Variants in MED16 observed in about 807,000 individuals in gnomAD.
MED16 encodes the protein mediator complex subunit 16.
MED16 carries 81 observed loss-of-function variants against 84.4 expected under a neutral mutation model. That is an observed-to-expected ratio of 0.96 (90% CI 0.80 to 1.15). The LOEUF (loss-of-function observed/expected upper bound fraction) is 1.15, where lower values mean the gene tolerates loss of function less well. Among genes scored for constraint, MED16 ranks in the 50% most tolerant of loss-of-function variants. The pLI is 0.00. For synonymous variants in MED16, 897 were observed against 552.2 expected (o/e 1.62, Z -8.76); for missense variants, 1,585 against 1,245.9 (o/e 1.27, Z -4.10).
At chr19:884,812 C>T in intron 6 of MED16, 91 bp downstream of exon 6, 1 of 1,027,442 alleles carries the variant, frequency 9.7e-7, no homozygotes, top group Admixed American at 2.0e-5. Context: ...TCAGGACCAC[C>T]CTGGGTGACA....
rs752325815 is a variant in MED16 at position 889,629 on chromosome 19, G to T, written c.447+9C>A. 20 of 1,604,890 alleles carry T rather than the reference G, an allele frequency of 1.2e-5. No homozygotes were observed. The highest frequency in any genetic ancestry group is 1.7e-5 in the Non-Finnish European group (20 of 1,172,886). ...CTGCCTCATCCGCTCACTCGGGCAG[G>T]ACACTCACCTTCTCCACGTGCAGGG... On this transcript the variant is annotated intron_variant, in intron 4 of 15. Transcript: ENST00000325464.
rs202122968 is a variant in MED16 at position 872,079 on chromosome 19, C to A, written c.1945G>T (p.Gly649Cys). ...TCCCGAAGCATGCCCAGCGAGGTGCCGTCCCGCAGAAAGCTGTGGCCCGGC... is the reference window on the plus strand; with the variant it reads ...TCCCGAAGCATGCCCAGCGAGGTGCAGTCCCGCAGAAAGCTGTGGCCCGGC... ...LRPGHSFLRD[G>C]TSLGMLRELM... is the part of the protein sequence containing the mutation. Residue 649 changes from glycine to cysteine, a missense_variant, in exon 12 of 16, where the codon GGC (glycine) becomes TGC (cysteine). Gly to Cys is a radical substitution (Grantham distance 159). Coordinates refer to ENST00000325464, the MANE Select transcript of MED16 (RefSeq NM_005481.3). 26 of 1,608,860 alleles carry A rather than the reference C, an allele frequency of 1.6e-5. No homozygotes were observed. Among genetic ancestry groups the A allele is most frequent in the South Asian group, 1.1e-5 (1 of 90,812 alleles).
intron 9 of MED16, among the ~76,000 whole-genome samples, chr19:876,137 T>C (rs1019075721): frequency 6.7e-6 from 1 of 150,280 alleles, no homozygotes; most frequent in Admixed American, 6.7e-5. Flanking sequence ...GTGAATGGGA[T>C]TTTTTTTTTC....
intron 8 of MED16, among the ~76,000 whole-genome samples, chr19:879,067 C>G (rs1160583131): frequency 6.0e-4 from 1 of 1,662 alleles, no homozygotes; most frequent in Non-Finnish European, 1.4e-3. Flanking sequence ...GCCCACCAGC[C>G]CCAGCCCCAG....
chr19:890,573 T>C lies in MED16; in HGVS notation c.170-329A>G. 4 of 373,354 alleles carry C rather than the reference T, an allele frequency of 1.1e-5. No individual in the cohort carries two copies. The South Asian group carries it at 2.3e-4, about 21-fold the overall frequency. The allele number at this position is 373,354 out of a possible 1,614,324, so 23.1% of individuals were successfully genotyped here. A position where few individuals can be genotyped will look rare whatever the true frequency, so the allele number is the denominator to read the frequency against. On this transcript the variant is annotated intron_variant, in intron 2 of 15. Coordinates refer to ENST00000325464, the MANE Select transcript of MED16 (RefSeq NM_005481.3). ...TTTTCTGTGGTTTTCTAGTTTTCTC[T>C]AATGACCACGTATTATGAGTGCCTA...
Position 890,236 on chromosome 19 carries a change from G to T in MED16, c.178C>A (p.Arg60Ser), listed in dbSNP as rs150017885. The change falls in exon 3 of 16, where the codon CGC becomes AGC. Residue 60 changes from arginine to serine, a missense_variant. Physicochemically the swap from Arg to Ser is moderately radical, Grantham distance 110 (BLOSUM62 -1). Transcript: ENST00000325464. ...DLRSDDQDLT[R>S]MIHILDTEHP... ...TCCGTGTCCAGGATGTGGATCATGC[G>T]GGTCAGGTCTGTGGGGACGGGGCAT... is the stretch of plus-strand genomic sequence containing the variant. 1 of 1,549,152 alleles carries T rather than the reference G, an allele frequency of 6.5e-7. No individual in the cohort carries two copies. The highest frequency in any genetic ancestry group is 8.7e-7 in the Non-Finnish European group (1 of 1,146,224).
intron 5 of MED16, among the ~76,000 whole-genome samples, chr19:885,406 A>G (rs996116071): frequency 2.0e-5 from 3 of 151,874 alleles, no homozygotes; most frequent in Non-Finnish European, 4.4e-5. Context: ...CAGAGAAGGG[A>G]CCTGCGGGTG....
chr19:878,801 C>T (rs2036335090), intron 8 of MED16, among the ~76,000 whole-genome samples: 1 of 148,756 alleles, frequency 6.7e-6, no homozygotes, highest in Non-Finnish European at 1.5e-5. Context: ...CAGCCCCAGC[C>T]CCACGTGCCC....
In MED16 at chr19:885,935, G is replaced by A. The variant is rs776143249; in HGVS notation, c.714C>T (p.Pro238=). The change falls in exon 5 of 16, where the codon CCC becomes CCT. Residue 238 remains proline, a synonymous_variant. Transcript: ENST00000325464. ...TCACGCACACCTTGTAGAACTGCAC[G>A]GGCGACGCGCTGCTGCCGTCCGCCG... ...VATADGSSAS[P]VQFYKVCVSV... is the part of the protein sequence containing the mutation. 8.7e-6 allele frequency: 14 copies of A among 1,613,042 alleles called. No homozygotes were observed. The highest frequency in any genetic ancestry group is 1.1e-5 in the South Asian group (1 of 91,084).
chr19:868,182 G>A lies in MED16; in HGVS notation c.2553C>T (p.Val851=). ...GGTGTGTGGACTGCGGGCCCAGCTG[G>A]ACAAAGGCAGGGGCTTCCTCAGAAG... The part of the protein sequence containing the change: ...SRASEEAPAF[V]QLGPQSTHHS... Residue 851 remains valine (V), a synonymous_variant, in exon 16 of 16, where the codon GTC becomes GTT. Transcript: ENST00000325464. 3.1e-6 allele frequency: 5 copies of A among 1,609,420 alleles called. No homozygotes were observed. Among genetic ancestry groups the A allele is most frequent in the Non-Finnish European group, 4.2e-6 (5 of 1,178,446 alleles).
intron 14 of MED16, 80 bp downstream of exon 14, chr19:868,783 G>A: frequency 1.5e-5 from 22 of 1,429,002 alleles, no homozygotes; most frequent in Non-Finnish European, 2.1e-5. Flanking sequence ...ACCGTCTGGA[G>A]CGCTGGGTGG....
intron 4 of MED16, among the ~76,000 whole-genome samples, chr19:888,572 T>C (rs1433971345): frequency 6.7e-6 from 1 of 149,704 alleles, no homozygotes; most frequent in African/African-American, 2.5e-5. Context: ...GCTATGGTGG[T>C]GGCCGCACAA....
rs1423553186 is a variant in MED16 at position 872,529 on chromosome 19, A to C, written c.1906-411T>G. ...CCTGGCAGCCTAAAGCCCCACAAAA[A>C]GAAGAGAGGGACTTCAAACCGTCCG... On this transcript the variant is annotated intron_variant, in intron 11 of 15. Transcript: ENST00000325464. 2.0e-5 allele frequency among the ~76,000 whole-genome samples: 3 copies of C among 151,930 alleles called. No homozygotes were observed. In the South Asian group the frequency reaches 6.2e-4, roughly 31 times the overall value.
chr19:870,716 G>A (rs1227686056), intron 13 of MED16, among the ~76,000 whole-genome samples: 2 of 151,916 alleles, frequency 1.3e-5, no homozygotes, highest in East Asian at 1.9e-4. Flanking sequence ...GGAGAACATG[G>A]AGGGAAGGAG....
At position 883,719 on chromosome 19, in the gene MED16, G is replaced by A. The variant is rs143723258; in HGVS notation, c.985+1184C>T. ...CTGTGGGCAGATGGTAGACACAGAC[G>A]TGCCCAGCGGGGGCACCGGGCAGTG... On this transcript the variant is annotated intron_variant, in intron 6 of 15. Coordinates refer to ENST00000325464, the MANE Select transcript of MED16 (RefSeq NM_005481.3). Among the ~76,000 whole-genome samples the A allele has an allele frequency of 1.3e-3, 199 of 152,250 alleles. 1 individual carries two copies. Among genetic ancestry groups the A allele is most frequent in the African/African-American group, 4.5e-3 (187 of 41,554 alleles).
At position 881,572 on chromosome 19, in the gene MED16, G is replaced by C; in HGVS notation, c.1128C>G (p.Phe376Leu). The stretch of plus-strand genomic sequence containing the variant: ...GCTCCACCGTACCGAGGCCAGGGTA[G>C]AACTGTGTGTCGCTGGCCACCTTGA... The part of the protein sequence containing the change: ...TDLKVASDTQ[F>L]YPGLGLALAF... Residue 376 changes from phenylalanine to leucine, a missense_variant, in exon 7 of 16, where the codon TTC (phenylalanine) becomes TTG (leucine). Phe to Leu is a conservative substitution (Grantham distance 22). Transcript: ENST00000325464. 1 of 1,612,194 alleles carries C rather than the reference G, an allele frequency of 6.2e-7. No homozygotes were observed. Among genetic ancestry groups the C allele is most frequent in the Non-Finnish European group, 8.5e-7 (1 of 1,179,822 alleles).
intron 4 of MED16, among the ~76,000 whole-genome samples, chr19:887,986 T>C (rs1168220490): frequency 6.6e-6 from 1 of 151,898 alleles, no homozygotes; most frequent in African/African-American, 2.4e-5. Context: ...GCAGATCACC[T>C]GAGGTTAGGA....
rs866920063 is a variant in MED16 at position 868,792 on chromosome 19, G to A, written c.2399+71C>T. On this transcript the variant is annotated intron_variant, in intron 14 of 15. Transcript: ENST00000325464. ...CCCTTGACCGTCTGGAGCGCTGGGT[G>A]GGGGCTAGAATCAGCTGAGCCATCC... 4.1e-6 allele frequency: 6 copies of A among 1,465,260 alleles called. No homozygotes were observed. The East Asian group carries it at 7.4e-5, about 18-fold the overall frequency. The allele number at this position is 1,465,260 out of a possible 1,614,324, so 90.8% of individuals were successfully genotyped here.
intron 6 of MED16, among the ~76,000 whole-genome samples, chr19:882,450 G>A (rs937051048): frequency 6.6e-6 from 1 of 152,246 alleles, no homozygotes; most frequent in Non-Finnish European, 1.5e-5. Context: ...CTCGAGCCCA[G>A]GAAGATGAGG....
Sources: gnomAD v4.1 joint callset for allele counts (sites outside exome capture counted in the v4.1 genomes callset) on GRCh38, gnomAD v4.1.1 for gene constraint, MANE v1.5 for transcripts, NCBI Gene and HGNC (gene_info 2026-07-23, HGNC 2026-07-21) for gene names.